The following CYFIP2 variants were observed in gnomAD, a reference collection of about 807,000 sequenced individuals.
CYFIP2 encodes the protein cytoplasmic FMR1-interacting protein 2.
In CYFIP2, 29 loss-of-function variants were observed where a neutral mutation model predicts 158.7. The ratio of observed to expected loss-of-function variants is 0.18; its 90% CI spans 0.14 to 0.25. The LOEUF is 0.25. Ranked by LOEUF, CYFIP2 falls within the 10% of genes least tolerant of loss-of-function variation. The probability of loss-of-function intolerance (pLI) is 1.00; values close to 1 mark genes in which losing one functional copy is unlikely to be tolerated. For missense variants in CYFIP2, 852 were observed against 1,639.5 expected, an observed-to-expected ratio of 0.52 and a Z score of 8.29; for synonymous variants, 585 against 617.6, an observed-to-expected ratio of 0.95 and a Z score of 0.78.
chr5:157,347,181 G>A lies in CYFIP2; in HGVS notation c.2673+6024G>A, dbSNP rs559674216. 2.0e-5 allele frequency among the ~76,000 whole-genome samples: 3 copies of A among 152,266 alleles called. No homozygotes were observed. The East Asian group carries it at 5.8e-4, about 29-fold the overall frequency. On this transcript the variant is annotated intron_variant, in intron 23 of 30. Coordinates refer to ENST00000620254, the MANE Select transcript of CYFIP2 (RefSeq NM_001037333.3). ...TTAATGATAAAAGGTTAGGAAGAAA[G>A]CCAGGCACAGCTGCAGTGGTGTGCA...
At chr5:157,360,032 A>G (rs970555181) in intron 24 of CYFIP2, among the ~76,000 whole-genome samples, 3 of 152,348 alleles carry the variant, frequency 2.0e-5, no homozygotes, top group Middle Eastern at 3.4e-3. Context: ...TGAATCTGCT[A>G]TAAGCATCCT....
At chr5:157,363,873 T>G (rs1198920169) in intron 26 of CYFIP2, 2 of 152,152 alleles carry the variant, frequency 1.3e-5, no homozygotes, top group Admixed American at 6.5e-5. Context: ...AAAGGATGCC[T>G]TGCCTCTAAT....
chr5:157,305,242 A>T (rs1759118153), intron 8 of CYFIP2, among the ~76,000 whole-genome samples: 1 of 152,202 alleles, frequency 6.6e-6, no homozygotes, highest in African/African-American at 2.4e-5. Context: ...TCATACAATA[A>T]CTTCTCTTCC....
At chr5:157,325,752 A>G (rs1561729600) in intron 17 of CYFIP2, 114 bp downstream of exon 17, 4 of 1,137,870 alleles carry the variant, frequency 3.5e-6, no homozygotes, top group Non-Finnish European at 2.4e-6. Flanking sequence ...AAATGAGGCC[A>G]TATGTCCCAC....
Position 157,320,763 on chromosome 5 carries a change from C to T in CYFIP2, c.1632C>T (p.Ile544=). 1 of 1,610,452 alleles carries T rather than the reference C, an allele frequency of 6.2e-7. No homozygotes were observed. The highest frequency in any genetic ancestry group is 8.5e-7 in the Non-Finnish European group (1 of 1,178,212). The change falls in exon 15 of 31, where the codon ATC becomes ATT. Residue 544 remains isoleucine, a synonymous_variant. Transcript: ENST00000620254. ...GEKDPKGGFD[I]KVPRRAVGPS... Reference sequence around the variant, plus strand: ...AGGACCCCAAAGGTGGATTTGATATCAAGGTGCCCCGGCGTGCTGTGGGGC... The same window carrying T: ...AGGACCCCAAAGGTGGATTTGATATTAAGGTGCCCCGGCGTGCTGTGGGGC...
At chr5:157,294,693 C>A in intron 3 of CYFIP2, 90 bp from the exon 4 acceptor site, 1 of 1,042,636 alleles carries the variant, frequency 9.6e-7, no homozygotes. Flanking sequence ...GGTCCATGGA[C>A]CATACCATAA....
At chr5:157,283,660 G>A (rs987211128) in intron 1 of CYFIP2, among the ~76,000 whole-genome samples, 3 of 152,178 alleles carry the variant, frequency 2.0e-5, no homozygotes, top group Non-Finnish European at 4.4e-5. Flanking sequence ...GGTACGTGAT[G>A]GGAAGGTGTG....
chr5:157,370,880 A>G (rs1177624103), intron 26 of CYFIP2, among the ~76,000 whole-genome samples: 2 of 152,356 alleles, frequency 1.3e-5, no homozygotes, highest in East Asian at 3.9e-4. Context: ...TTGGAAGTGA[A>G]ACATAGTAAT....
At chr5:157,284,236 G>A (rs1343052738) in intron 1 of CYFIP2, among the ~76,000 whole-genome samples, 1 of 151,980 alleles carries the variant, frequency 6.6e-6, no homozygotes, top group Non-Finnish European at 1.5e-5. Context: ...ACTTCATTTA[G>A]TTCCACTTTT....
chr5:157,281,987 T>C (rs1037967141), intron 1 of CYFIP2, among the ~76,000 whole-genome samples: 1 of 152,210 alleles, frequency 6.6e-6, no homozygotes, highest in East Asian at 1.9e-4. Context: ...TAGTTGCATG[T>C]AGAGAGGGTC....
At chr5:157,324,633 G>C (rs1291585616) in intron 16 of CYFIP2, 1 of 152,238 alleles carries the variant, frequency 6.6e-6, no homozygotes, top group East Asian at 1.9e-4. Context: ...GGCCTTCAAG[G>C]TCTCTAAACT....
chr5:157,343,662 G>C, intron 23 of CYFIP2: 1 of 828,362 alleles, frequency 1.2e-6, no homozygotes, highest in South Asian at 2.0e-5. Context: ...TCATCTTACA[G>C]ACAAAGAAAT....
chr5:157,377,562 T>G (rs1765607222), intron 26 of CYFIP2, among the ~76,000 whole-genome samples: 1 of 152,204 alleles, frequency 6.6e-6, no homozygotes, highest in Non-Finnish European at 1.5e-5. Flanking sequence ...TTTGACTTAT[T>G]TTGTCATCAT....
At chr5:157,268,837 G>A (rs1481646707) in intron 1 of CYFIP2, among the ~76,000 whole-genome samples, 2 of 152,206 alleles carry the variant, frequency 1.3e-5, no homozygotes, top group Non-Finnish European at 2.9e-5. Context: ...CCAGGGGATG[G>A]CCCCTGCATC....
intron 13 of CYFIP2, 135 bp from the exon 14 acceptor site, chr5:157,319,627 C>T: frequency 2.9e-6 from 3 of 1,046,890 alleles, no homozygotes; most frequent in Non-Finnish European, 4.1e-6. Context: ...TAGCCATGCG[C>T]TGGCACTTTG....
At chr5:157,368,433 G>A (rs1236529266) in intron 26 of CYFIP2, among the ~76,000 whole-genome samples, 1 of 151,820 alleles carries the variant, frequency 6.6e-6, no homozygotes, top group Non-Finnish European at 1.5e-5. Context: ...CCATCACTCT[G>A]AGGGAAAAAA....
chr5:157,274,978 G>A (rs2113815064), intron 1 of CYFIP2, among the ~76,000 whole-genome samples: 2 of 152,046 alleles, frequency 1.3e-5, no homozygotes, highest in Middle Eastern at 3.4e-3. Flanking sequence ...GTATCACTCT[G>A]TTGCCCAGGC....
At chr5:157,383,214 T>A in intron 27 of CYFIP2, 51 bp from the exon 28 acceptor site, 1 of 1,543,614 alleles carries the variant, frequency 6.5e-7, no homozygotes, top group Non-Finnish European at 8.9e-7. Context: ...CCTTCCCCAG[T>A]TGCCCTGTGT....
rs554308312 is a variant in CYFIP2, at chr5:157,380,443, T to C, written c.3040-2147T>C. On this transcript the variant is annotated intron_variant, in intron 26 of 30. Transcript: ENST00000620254. ...GAGTGAACAAGAACAGCTTCCAGGT[T>C]AGAAGCAAAATGAGGTTCATTAGGT... Among the ~76,000 whole-genome samples, 136 of 152,360 alleles carry C rather than the reference T, an allele frequency of 8.9e-4. 6 individuals carry two copies. The South Asian group carries it at 0.027, about 30-fold the overall frequency.
Sources: gnomAD v4.1 joint callset for allele counts (sites outside exome capture counted in the v4.1 genomes callset) on GRCh38, gnomAD v4.1.1 for gene constraint, MANE v1.5 for transcripts, NCBI Gene and HGNC (gene_info 2026-07-23, HGNC 2026-07-21) for gene names.